Variants in PIK3C2A observed in about 807,000 individuals in gnomAD.
PIK3C2A encodes phosphatidylinositol 4-phosphate 3-kinase C2 domain-containing subunit alpha.
PIK3C2A carries 97 observed loss-of-function variants against 204.5 expected under a neutral mutation model. The observed-to-expected ratio is 0.47, with a 90% CI of 0.40 to 0.56. The LOEUF is 0.56. PIK3C2A is among the 20% of genes least tolerant of loss of function. The probability of loss-of-function intolerance (pLI) is 0.00; values close to 1 mark genes in which losing one functional copy is unlikely to be tolerated. For missense variants in PIK3C2A, 1,735 were observed against 1,969.2 expected (o/e 0.88, Z 2.25); for synonymous variants, 653 against 664.4 (o/e 0.98, Z 0.26).
intron 24 of PIK3C2A, among the ~76,000 whole-genome samples, chr11:17,101,790 AG>A (rs1565240638): frequency 6.6e-6 from 1 of 151,598 alleles, no homozygotes; most frequent in African/African-American, 2.4e-5. Context: ...TTTTTAGTAG[AG>A]GCGGGGTTTC....
intron 8 of PIK3C2A, chr11:17,137,996 C>T: frequency 3.3e-6 from 2 of 600,500 alleles, no homozygotes; most frequent in South Asian, 1.5e-5. Context: ...TTCTGACTCC[C>T]TGCTTGTGCT....
chr11:17,206,856 A>G (rs56213542), intron 1 of PIK3C2A, among the ~76,000 whole-genome samples: 148 of 152,222 alleles, frequency 9.7e-4, no homozygotes, highest in African/African-American at 3.1e-3. Context: ...TCTGCCTGAA[A>G]CCCACCAGGA....
intron 13 of PIK3C2A, among the ~76,000 whole-genome samples, chr11:17,128,287 T>C (rs1849587827): frequency 6.7e-6 from 1 of 150,310 alleles, no homozygotes; most frequent in Admixed American, 6.6e-5. Flanking sequence ...TTTTTTTTTT[T>C]GGCGGGGGGT....
intron 1 of PIK3C2A, among the ~76,000 whole-genome samples, chr11:17,179,761 G>A (rs1259051177): frequency 6.6e-6 from 1 of 152,006 alleles, no homozygotes; most frequent in Non-Finnish European, 1.5e-5. Flanking sequence ...GAGATTACCA[G>A]TATAACCAGG....
At chr11:17,162,159 A>T (rs1243666051) in intron 2 of PIK3C2A, among the ~76,000 whole-genome samples, 1 of 152,034 alleles carries the variant, frequency 6.6e-6, no homozygotes, top group African/African-American at 2.4e-5. Flanking sequence ...AATAATGGTG[A>T]AACCCCATCT....
chr11:17,191,121 T>C (rs1424145456), intron 1 of PIK3C2A, among the ~76,000 whole-genome samples: 2 of 152,234 alleles, frequency 1.3e-5, no homozygotes, highest in Non-Finnish European at 2.9e-5. Context: ...CCATCTATTG[T>C]CTACAGAGTC....
At chr11:17,127,323 T>C (rs1186101211) in intron 13 of PIK3C2A, among the ~76,000 whole-genome samples, 2 of 152,108 alleles carry the variant, frequency 1.3e-5, no homozygotes, top group South Asian at 4.2e-4. Context: ...TTTTTTTTCT[T>C]TTGGAGACAG....
Position 17,091,477 on chromosome 11 carries a change from C to A in PIK3C2A, c.4753-18G>T. The A allele has an allele frequency of 6.2e-7, 1 of 1,610,712 alleles. No individual in the cohort carries two copies. Among genetic ancestry groups the A allele is most frequent in the Non-Finnish European group, 8.5e-7 (1 of 1,178,664 alleles). On this transcript the variant is annotated intron_variant, in intron 31 of 32. Coordinates refer to ENST00000691414, the MANE Select transcript of PIK3C2A (RefSeq NM_002645.4). ...TCAGTAACCTAAAAAGAAAAGCAGT[C>A]CCTTAATAGTAATGCTTCCTACCAA... is the stretch of plus-strand genomic sequence containing the variant.
chr11:17,197,028 G>T (rs533640681), intron 1 of PIK3C2A, among the ~76,000 whole-genome samples: 1 of 152,064 alleles, frequency 6.6e-6, no homozygotes, highest in Non-Finnish European at 1.5e-5. Flanking sequence ...GCCAGGCACG[G>T]GGCCTCACAC....
chr11:17,157,717 C>T (rs1379131390), intron 2 of PIK3C2A, among the ~76,000 whole-genome samples: 4 of 152,142 alleles, frequency 2.6e-5, no homozygotes, highest in Admixed American at 2.6e-4. Flanking sequence ...GGAAAGATTA[C>T]GTCTGAACTA....
chr11:17,092,169 T>A lies in PIK3C2A; in HGVS notation c.4559A>T (p.Asp1520Val). The change falls in exon 29 of 33, where the codon GAT (aspartate) becomes GTT (valine). Residue 1520 changes from aspartate (D) to valine (V), a missense_variant. Physicochemically the swap from Asp to Val is radical, Grantham distance 152. Coordinates refer to ENST00000691414, the MANE Select transcript of PIK3C2A (RefSeq NM_002645.4). ...YLQSLMNAST[D>V]VAECDLVCTF... The stretch of plus-strand genomic sequence containing the variant: ...ATTTAGTAAGGTTACCTCTGCTACA[T>A]CCGTTGAAGCATTCATCAAACTCTG... 3 of 1,575,696 alleles carry A rather than the reference T, an allele frequency of 1.9e-6. No individual in the cohort carries two copies. The highest frequency in any genetic ancestry group is 2.6e-6 in the Non-Finnish European group (3 of 1,144,966).
intron 26 of PIK3C2A, among the ~76,000 whole-genome samples, chr11:17,098,617 AAAGC>A (rs1255302735): frequency 6.6e-6 from 1 of 152,258 alleles, no homozygotes; most frequent in African/African-American, 2.4e-5. Flanking sequence ...CTTAAAAAAC[AAAGC>A]AAAAGAAAAC....
At chr11:17,161,273 C>T (rs1487789176) in intron 2 of PIK3C2A, among the ~76,000 whole-genome samples, 1 of 152,138 alleles carries the variant, frequency 6.6e-6, no homozygotes, top group Non-Finnish European at 1.5e-5. Context: ...TGGTTACATC[C>T]TTAATTGGAC....
At chr11:17,201,718 T>C (rs1591031967) in intron 1 of PIK3C2A, among the ~76,000 whole-genome samples, 2 of 152,262 alleles carry the variant, frequency 1.3e-5, no homozygotes, top group East Asian at 3.9e-4. Context: ...TCAAAAATCT[T>C]GTCTAATTAA....
chr11:17,173,283 C>T (rs1178017726), intron 1 of PIK3C2A, among the ~76,000 whole-genome samples: 1 of 152,156 alleles, frequency 6.6e-6, no homozygotes, highest in Non-Finnish European at 1.5e-5. Context: ...CATTTCTACC[C>T]TTGTCCCCCA....
intron 22 of PIK3C2A, among the ~76,000 whole-genome samples, chr11:17,108,279 C>T (rs61879701): frequency 0.22 from 32,961 of 152,094 alleles, 3,946 homozygotes; most frequent in Middle Eastern, 0.32. Context: ...TAATAGCTAA[C>T]GTCCTACACA....
intron 24 of PIK3C2A, among the ~76,000 whole-genome samples, chr11:17,101,898 C>T (rs990102236): frequency 1.1e-4 from 16 of 151,890 alleles, no homozygotes; most frequent in Admixed American, 2.6e-4. Context: ...CCACTGCACC[C>T]GGCCTCTAAA....
At chr11:17,146,762 G>A (rs1850258462) in intron 6 of PIK3C2A, among the ~76,000 whole-genome samples, 1 of 151,170 alleles carries the variant, frequency 6.6e-6, no homozygotes, top group South Asian at 2.1e-4. Flanking sequence ...AAGAAACTAA[G>A]AAGAAAAGTT....
intron 1 of PIK3C2A, among the ~76,000 whole-genome samples, chr11:17,172,029 T>C (rs941064580): frequency 5.3e-5 from 8 of 152,184 alleles, no homozygotes; most frequent in African/African-American, 1.9e-4. Context: ...CAAATATGAG[T>C]ATTCACTTTG....
Sources: allele counts gnomAD v4.1 joint callset (sites outside exome capture counted in the v4.1 genomes callset), GRCh38; gene constraint gnomAD v4.1.1; transcripts MANE v1.5; gene names NCBI Gene and HGNC (gene_info 2026-07-23, HGNC 2026-07-21).